Variants in LINGO1 observed in about 807,000 individuals in gnomAD.
LINGO1 encodes the protein leucine rich repeat and Ig domain containing 1.
Under a neutral mutation model 37.3 loss-of-function variants are expected in LINGO1, and 11 were observed. The observed-to-expected ratio is 0.29, with a 90% confidence interval of 0.19 to 0.49. LINGO1 has a LOEUF of 0.49. Among genes scored for constraint, LINGO1 ranks in the 20% least tolerant of loss-of-function variants. LINGO1 has a pLI of 0.99. For synonymous variants in LINGO1, 387 were observed against 403.0 expected, an observed-to-expected ratio of 0.96 and a Z score of 0.48; for missense variants, 585 against 878.2, an observed-to-expected ratio of 0.67 and a Z score of 4.22.
At chr15:77,788,788 C>T (rs11629788), upstream of LINGO1, 29,546 of 152,186 alleles carry the variant, frequency 0.19, 3,191 homozygotes, top group Admixed American at 0.33. Flanking sequence ...GCCCAGAAGT[C>T]GAAGCCACTA....
chr15:77,619,164 GGT>G lies in LINGO1; in HGVS notation c.7-3266_7-3265del, dbSNP rs34895037. ...GTAATGTAATCCTGGTTCAGTCATG[GGT>G]GTGTGTGTCTCACCTGCTAGAGAGT... On this transcript the variant is annotated intron_variant, in intron 1 of 1. Transcript: ENST00000355300. Among the ~76,000 whole-genome samples, 687 of 152,278 alleles carry G rather than the reference GGT, an allele frequency of 4.5e-3. 1 individual carries two copies. Among genetic ancestry groups the G allele is most frequent in the African/African-American group, 0.016 (647 of 41,546 alleles).
chr15:77,753,908 A>C (rs1428796325), intron 1 of LINGO1, among the ~76,000 whole-genome samples: 1 of 152,230 alleles, frequency 6.6e-6, no homozygotes, highest in Non-Finnish European at 1.5e-5. Context: ...ACAGAGGAAA[A>C]AAGTGAGGCT....
intron 1 of LINGO1, among the ~76,000 whole-genome samples, chr15:77,806,022 C>T (rs967205739): frequency 1.2e-4 from 18 of 152,112 alleles, no homozygotes; most frequent in African/African-American, 3.1e-4. Flanking sequence ...GAGCTAAGCT[C>T]GAGGTTCCCT....
At chr15:77,705,206 C>CACACACACACA (rs57434698) in intron 2 of LINGO1, among the ~76,000 whole-genome samples, 16 of 149,068 alleles carry the variant, frequency 1.1e-4, no homozygotes, top group South Asian at 2.1e-4. Context: ...CACACACACA[C>CACACACACACA]CAGTCCACTT....
chr15:77,639,705 A>G (rs935359582), intron 3 of LINGO1, among the ~76,000 whole-genome samples: 2 of 152,220 alleles, frequency 1.3e-5, no homozygotes, highest in African/African-American at 4.8e-5. Flanking sequence ...ATGTGGAGGA[A>G]AAAACATATG....
intron 2 of LINGO1, among the ~76,000 whole-genome samples, chr15:77,679,244 A>G (rs768627130): frequency 6.6e-6 from 1 of 152,202 alleles, no homozygotes; most frequent in Non-Finnish European, 1.5e-5. Context: ...ACTAATAATG[A>G]TGAACATCTA....
chr15:77,664,172 C>CGT (rs1567503103), intron 3 of LINGO1, among the ~76,000 whole-genome samples: 1 of 77,592 alleles, frequency 1.3e-5, no homozygotes, highest in Non-Finnish European at 2.4e-5. Context: ...TGTGTGTGTG[C>CGT]GCGCGCGCAT....
chr15:77,759,702 A>T (rs2076455406), intron 1 of LINGO1, among the ~76,000 whole-genome samples: 1 of 152,220 alleles, frequency 6.6e-6, no homozygotes, highest in Non-Finnish European at 1.5e-5. Context: ...GACGCACTGG[A>T]GCCGGCGACT....
chr15:77,638,352 T>G (rs1171694618), upstream of LINGO1, among the ~76,000 whole-genome samples: 1 of 152,208 alleles, frequency 6.6e-6, no homozygotes, highest in East Asian at 1.9e-4. Flanking sequence ...TTAGCTGTTC[T>G]TAAGAAGTCA....
At chr15:77,780,773 C>T (rs984086951) in intron 1 of LINGO1, among the ~76,000 whole-genome samples, 2 of 151,570 alleles carry the variant, frequency 1.3e-5, no homozygotes, top group African/African-American at 4.9e-5. Flanking sequence ...TTGCTCTCCT[C>T]CCCCCACCCC....
chr15:77,691,486 G>A (rs527380709), intron 1 of LINGO1, among the ~76,000 whole-genome samples: 1 of 112,636 alleles, frequency 8.9e-6, no homozygotes, highest in Non-Finnish European at 2.3e-5. Context: ...CATCCCTAGG[G>A]AAGGGATGTC....
chr15:77,801,985 A>G (rs940226477), intron 1 of LINGO1, among the ~76,000 whole-genome samples: 3 of 152,196 alleles, frequency 2.0e-5, no homozygotes, highest in African/African-American at 7.2e-5. Flanking sequence ...TGAGGGATAA[A>G]GGGAACATAG....
intron 1 of LINGO1, among the ~76,000 whole-genome samples, chr15:77,735,873 T>A (rs1027909596): frequency 1.3e-5 from 2 of 152,200 alleles, no homozygotes; most frequent in African/African-American, 4.8e-5. Flanking sequence ...CATGCATGTG[T>A]GCACACATAT....
intron 1 of LINGO1, among the ~76,000 whole-genome samples, chr15:77,776,836 T>C (rs542660723): frequency 6.6e-6 from 1 of 152,274 alleles, no homozygotes; most frequent in South Asian, 2.1e-4. Context: ...AATATAAGCC[T>C]CATTAGACCC....
Position 77,613,685 on chromosome 15 carries a change from T to A in LINGO1, c.*359A>T, listed in dbSNP as rs1163398853. ...CTATAGGAAATAGTTTTTTTCTCTTTTTATTATTTCAAGTTTTCATAAAAA... is the reference window on the plus strand; with the variant it reads ...CTATAGGAAATAGTTTTTTTCTCTTATTATTATTTCAAGTTTTCATAAAAA... On this transcript the variant is annotated 3_prime_UTR_variant, in exon 2 of 2. Coordinates refer to ENST00000355300, the MANE Select transcript of LINGO1 (RefSeq NM_032808.7). 1.2e-5 allele frequency: 3 copies of A among 250,874 alleles called. No individual in the cohort carries two copies. Among genetic ancestry groups the A allele is most frequent in the African/African-American group, 6.6e-5 (3 of 45,320 alleles). The allele number at this position is 250,874 out of a possible 1,614,324, so 15.5% of individuals were successfully genotyped here.
Position 77,776,526 on chromosome 15 carries a change from A to AAGGC in LINGO1, c.-257+10342_-257+10343insGCCT, listed in dbSNP as rs1344764444. Among the ~76,000 whole-genome samples the AAGGC allele has an allele frequency of 1.7e-4, 6 of 35,754 alleles. 1 individual carries two copies. Among genetic ancestry groups the AAGGC allele is most frequent in the African/African-American group, 6.0e-4 (6 of 9,982 alleles). 23.5% of individuals were successfully genotyped at this position (35,754 alleles called of 152,430 possible). A position where few individuals can be genotyped will look rare whatever the true frequency, so the allele number is the denominator to read the frequency against. ...GAAGGCAGGAAGGCAGGAAGGGAGGAAGGGAGGGAGGGAGGGAGGGAGGGA... is the reference window on the plus strand; with the variant it reads ...GAAGGCAGGAAGGCAGGAAGGGAGGAAGGCAGGGAGGGAGGGAGGGAGGGAGGGA... On this transcript the variant is annotated intron_variant, in intron 1 of 3. Transcript: ENST00000561686.
At chr15:77,721,687 T>C (rs2076051503) in intron 2 of LINGO1, among the ~76,000 whole-genome samples, 1 of 152,188 alleles carries the variant, frequency 6.6e-6, no homozygotes, top group African/African-American at 2.4e-5. Context: ...AAGTCTGTTT[T>C]GAGGTGGGAT....
intron 2 of LINGO1, among the ~76,000 whole-genome samples, chr15:77,677,961 G>C (rs2075355694): frequency 6.6e-6 from 1 of 152,096 alleles, no homozygotes; most frequent in Non-Finnish European, 1.5e-5. Flanking sequence ...ACCCAGCCCT[G>C]ACCTGTGGGC....
At chr15:77,790,099 C>T (rs1463317264), upstream of LINGO1, among the ~76,000 whole-genome samples, 1 of 152,156 alleles carries the variant, frequency 6.6e-6, no homozygotes, top group Non-Finnish European at 1.5e-5. Context: ...TTCAGACTTC[C>T]AGCTTCTAGA....
Sources: allele counts gnomAD v4.1 joint callset (sites outside exome capture counted in the v4.1 genomes callset), GRCh38; gene constraint gnomAD v4.1.1; transcripts MANE v1.5; gene names NCBI Gene and HGNC (gene_info 2026-07-23, HGNC 2026-07-21).